The following NTM variants were observed in gnomAD, a reference collection of about 807,000 sequenced individuals.
NTM encodes the protein neurotrimin.
Under a neutral mutation model 42.1 loss-of-function variants are expected in NTM, and 13 were observed. The ratio of observed to expected loss-of-function variants is 0.31; its 90% CI spans 0.20 to 0.49. The LOEUF is 0.49. Ranked by LOEUF, NTM falls within the 20% of genes least tolerant of loss-of-function variation. The pLI, the probability that NTM is intolerant of heterozygous loss-of-function variation, is 0.99. For synonymous variants in NTM, 187 were observed against 179.2 expected (o/e 1.04, Z -0.35); for missense variants, 373 against 452.8 (o/e 0.82, Z 1.60).
At chr11:132,131,760 G>A (rs1052002376) in intron 2 of NTM, among the ~76,000 whole-genome samples, 1 of 152,174 alleles carries the variant, frequency 6.6e-6, no homozygotes, top group Non-Finnish European at 1.5e-5. Context: ...TTGTTAGAAA[G>A]GTCCCTGCGG....
chr11:131,610,373 A>G (rs1373404575), intron 1 of NTM, among the ~76,000 whole-genome samples: 1 of 152,186 alleles, frequency 6.6e-6, no homozygotes, highest in African/African-American at 2.4e-5. Flanking sequence ...CCCATTAAAA[A>G]CTTTGTTCCT....
At chr11:132,045,001 A>G (rs1244928267) in intron 2 of NTM, among the ~76,000 whole-genome samples, 1 of 152,230 alleles carries the variant, frequency 6.6e-6, no homozygotes, top group Non-Finnish European at 1.5e-5. Context: ...AATTGAAAAG[A>G]AGGGGACTTC....
intron 1 of NTM, among the ~76,000 whole-genome samples, chr11:131,448,530 G>A (rs1024349913): frequency 6.6e-6 from 1 of 152,218 alleles, no homozygotes; most frequent in Non-Finnish European, 1.5e-5. Flanking sequence ...AGACCTTATG[G>A]GTGCTCATGG....
At chr11:132,334,975 G>A in intron 8 of NTM, 71 bp from the exon 9 acceptor site, 1 of 1,576,304 alleles carries the variant, frequency 6.3e-7, no homozygotes, top group Non-Finnish European at 8.6e-7. Context: ...AATGACAGCA[G>A]ACCAGGCAAC....
chr11:132,212,684 C>T (rs2083065653), intron 4 of NTM, among the ~76,000 whole-genome samples: 1 of 152,174 alleles, frequency 6.6e-6, no homozygotes, highest in South Asian at 2.1e-4. Flanking sequence ...CAAAAATTTA[C>T]TTTATCTGAA....
intron 1 of NTM, among the ~76,000 whole-genome samples, chr11:131,637,247 C>T (rs2064519079): frequency 6.6e-6 from 1 of 151,950 alleles, no homozygotes; most frequent in Non-Finnish European, 1.5e-5. Context: ...GGCCCCTGAG[C>T]TCGTCTTCTC....
intron 1 of NTM, among the ~76,000 whole-genome samples, chr11:131,648,389 G>A (rs1205745485): frequency 6.6e-6 from 1 of 152,094 alleles, no homozygotes; most frequent in South Asian, 2.1e-4. Flanking sequence ...GGGTCAAATG[G>A]TAGTTTTGTT....
chr11:131,523,161 G>C (rs541524601), intron 1 of NTM, among the ~76,000 whole-genome samples: 18 of 152,324 alleles, frequency 1.2e-4, no homozygotes, highest in Non-Finnish European at 2.2e-4. Context: ...CAGGGAGCAT[G>C]AGATCACAGA....
chr11:131,529,198 CCA>C (rs1158779508), intron 1 of NTM, among the ~76,000 whole-genome samples: 1 of 152,222 alleles, frequency 6.6e-6, no homozygotes, highest in Non-Finnish European at 1.5e-5. Context: ...TGACATCCTG[CCA>C]CAGTTTACCC....
intron 4 of NTM, among the ~76,000 whole-genome samples, chr11:132,283,456 C>A (rs1036086217): frequency 2.0e-5 from 3 of 152,248 alleles, no homozygotes; most frequent in African/African-American, 7.2e-5. Context: ...TGTTCTAGTG[C>A]AGGGTTTGGT....
intron 1 of NTM, among the ~76,000 whole-genome samples, chr11:131,891,763 G>T (rs1325860421): frequency 6.6e-6 from 1 of 152,110 alleles, no homozygotes; most frequent in Non-Finnish European, 1.5e-5. Context: ...GAGATAAATG[G>T]CAGGCCTGTT....
intron 1 of NTM, among the ~76,000 whole-genome samples, chr11:131,491,104 A>G (rs1216209307): frequency 6.6e-6 from 1 of 151,858 alleles, no homozygotes; most frequent in African/African-American, 2.4e-5. Flanking sequence ...AGTATCATAG[A>G]CCTTGAAAGA....
At chr11:131,475,219 A>G (rs1257511245) in intron 1 of NTM, among the ~76,000 whole-genome samples, 1 of 152,226 alleles carries the variant, frequency 6.6e-6, no homozygotes. Flanking sequence ...AAGCAGACAG[A>G]GTAGATATCT....
intron 2 of NTM, among the ~76,000 whole-genome samples, chr11:132,083,847 G>C (rs1294686663): frequency 6.6e-6 from 1 of 152,094 alleles, no homozygotes; most frequent in African/African-American, 2.4e-5. Context: ...TCAAACTCTA[G>C]AGGATCCAGG....
intron 1 of NTM, among the ~76,000 whole-genome samples, chr11:131,820,667 A>G (rs1218875614): frequency 6.6e-6 from 1 of 152,122 alleles, no homozygotes; most frequent in Non-Finnish European, 1.5e-5. Context: ...CATTTCTACC[A>G]TATATGTGTG....
intron 1 of NTM, among the ~76,000 whole-genome samples, chr11:131,793,072 C>T (rs369640303): frequency 6.6e-6 from 1 of 152,120 alleles, no homozygotes; most frequent in Non-Finnish European, 1.5e-5. Context: ...GAATCGCCAA[C>T]GTACTTAGAA....
intron 3 of NTM, among the ~76,000 whole-genome samples, chr11:132,184,824 A>G (rs2078147109): frequency 6.6e-6 from 1 of 152,260 alleles, no homozygotes; most frequent in Non-Finnish European, 1.5e-5. Flanking sequence ...AGATCCACAC[A>G]GCGTCATGAA....
intron 4 of NTM, among the ~76,000 whole-genome samples, chr11:132,292,453 G>C (rs1315365851): frequency 6.6e-6 from 1 of 152,114 alleles, no homozygotes; most frequent in East Asian, 1.9e-4. Flanking sequence ...CCTCAGCAGA[G>C]GACAGCGTGG....
intron 1 of NTM, among the ~76,000 whole-genome samples, chr11:131,892,932 C>A (rs2137537167): frequency 6.6e-6 from 1 of 152,350 alleles, no homozygotes; most frequent in African/African-American, 2.4e-5. Context: ...ACAGCCTTGG[C>A]ATACCCTTTC....
Sources: gnomAD v4.1 joint callset for allele counts (sites outside exome capture counted in the v4.1 genomes callset) on GRCh38, gnomAD v4.1.1 for gene constraint, MANE v1.5 for transcripts, NCBI Gene and HGNC (gene_info 2026-07-23, HGNC 2026-07-21) for gene names.